The following KIF6 variants were observed in gnomAD, a reference collection of about 807,000 sequenced individuals.
KIF6 encodes the protein kinesin-like protein KIF6.
Under a neutral mutation model 112.7 loss-of-function variants are expected in KIF6, and 106 were observed. The ratio of observed to expected loss-of-function variants is 0.94; its 90% CI spans 0.80 to 1.11. The LOEUF (loss-of-function observed/expected upper bound fraction) is 1.11, where lower values mean the gene tolerates loss of function less well. KIF6 is among the 50% of genes least tolerant of loss of function. KIF6 has a pLI of 0.00. For missense variants in KIF6, 929 were observed against 964.0 expected, an observed-to-expected ratio of 0.96 and a Z score of 0.48; for synonymous variants, 339 against 339.9, an observed-to-expected ratio of 1.00 and a Z score of 0.03.
At chr6:39,680,611 T>C (rs912057029) in intron 3 of KIF6, among the ~76,000 whole-genome samples, 2 of 152,046 alleles carry the variant, frequency 1.3e-5, no homozygotes, top group African/African-American at 4.8e-5. Flanking sequence ...ATCTAAGAAC[T>C]AAAAGAGAGA....
At chr6:39,597,208 A>G (rs1286794374) in intron 6 of KIF6, among the ~76,000 whole-genome samples, 2 of 152,316 alleles carry the variant, frequency 1.3e-5, no homozygotes, top group East Asian at 3.9e-4. Context: ...TTACAGAAAA[A>G]GACAAATTGA....
intron 13 of KIF6, among the ~76,000 whole-genome samples, chr6:39,479,761 C>T (rs1017455214): frequency 6.6e-6 from 1 of 152,034 alleles, no homozygotes; most frequent in African/African-American, 2.4e-5. Flanking sequence ...TTTGTGTCAT[C>T]TATGATTTCT....
At chr6:39,650,548 A>G (rs1384447879) in intron 3 of KIF6, among the ~76,000 whole-genome samples, 3 of 151,668 alleles carry the variant, frequency 2.0e-5, no homozygotes, top group Non-Finnish European at 4.4e-5. Flanking sequence ...TCTTATTTAC[A>G]TAATTTATAA....
In KIF6 at chr6:39,343,401, C is replaced by T. The variant is rs770885520; in HGVS notation, c.2428+308G>A. ...GTAGAAGCCTGAGCAGAGGAGACAG[C>T]TGACTTTGGGAACAGAGAACAAAGG... On this transcript the variant is annotated intron_variant, in intron 22 of 22. Transcript: ENST00000287152. The surrounding 1 kb of genome is among the most constrained non-coding windows in gnomAD (Gnocchi z 4.1). The T allele has an allele frequency of 3.7e-6, 5 of 1,351,824 alleles. No individual in the cohort carries two copies. Among genetic ancestry groups the T allele is most frequent in the Middle Eastern group, 2.0e-4 (1 of 5,084 alleles). The allele number at this position is 1,351,824 out of a possible 1,614,324, so 83.7% of individuals were successfully genotyped here.
chr6:39,473,363 T>A (rs961951239), intron 13 of KIF6, among the ~76,000 whole-genome samples: 5 of 152,066 alleles, frequency 3.3e-5, no homozygotes, highest in African/African-American at 1.2e-4. Flanking sequence ...TTTTAAGAGC[T>A]CTGAGGTTTA....
chr6:39,650,480 C>T lies in KIF6; in HGVS notation c.252-10723G>A, dbSNP rs191691818. Among the ~76,000 whole-genome samples, 944 of 151,836 alleles carry T rather than the reference C, an allele frequency of 6.2e-3. 11 individuals are homozygous for T. The highest frequency in any genetic ancestry group is 0.021 in the African/African-American group (880 of 41,484). On this transcript the variant is annotated intron_variant, in intron 3 of 22. Coordinates refer to ENST00000287152, the MANE Select transcript of KIF6 (RefSeq NM_145027.6). ...GAGGGCTGCATTTTTATCTTATTTA[C>T]ATTATAAAAAGTATATATTTACATT... is the stretch of plus-strand genomic sequence containing the variant.
chr6:39,637,876 T>C (rs564021390), intron 4 of KIF6, among the ~76,000 whole-genome samples: 1 of 152,126 alleles, frequency 6.6e-6, no homozygotes, highest in South Asian at 2.1e-4. Context: ...TTATTTAGGA[T>C]CATTCAGAAT....
intron 1 of KIF6, among the ~76,000 whole-genome samples, chr6:39,723,376 T>C (rs191591304): frequency 4.6e-5 from 7 of 152,310 alleles, no homozygotes; most frequent in Admixed American, 4.6e-4. Context: ...CTTGCCTAAA[T>C]TGTCACTTTG....
chr6:39,702,275 T>C (rs1018806195), intron 3 of KIF6, among the ~76,000 whole-genome samples: 2 of 152,174 alleles, frequency 1.3e-5, no homozygotes, highest in African/African-American at 2.4e-5. Context: ...CCAAGAGTGA[T>C]AGTCTGATGG....
chr6:39,470,383 C>T (rs923657689), intron 13 of KIF6, among the ~76,000 whole-genome samples: 17 of 152,250 alleles, frequency 1.1e-4, no homozygotes, highest in East Asian at 3.9e-4. Flanking sequence ...CTGCCTGTGA[C>T]GCAGGAGGTC....
intron 15 of KIF6, among the ~76,000 whole-genome samples, chr6:39,399,443 T>G (rs1768523322): frequency 6.6e-6 from 1 of 152,182 alleles, no homozygotes; most frequent in Admixed American, 6.5e-5. Context: ...ACCGCCTGTC[T>G]CATCAGGCCA....
intron 15 of KIF6, among the ~76,000 whole-genome samples, chr6:39,393,461 G>A (rs1254996069): frequency 6.6e-6 from 1 of 152,152 alleles, no homozygotes; most frequent in Non-Finnish European, 1.5e-5. Context: ...AGGAGTTCCT[G>A]ACATATAATA....
chr6:39,498,902 C>G (rs1362151509), intron 13 of KIF6, among the ~76,000 whole-genome samples: 5 of 152,126 alleles, frequency 3.3e-5, no homozygotes, highest in African/African-American at 9.7e-5. Context: ...GCCACCTGGC[C>G]TTTCCTGTGG....
intron 15 of KIF6, among the ~76,000 whole-genome samples, chr6:39,404,764 T>C (rs1768965906): frequency 6.6e-6 from 1 of 152,168 alleles, no homozygotes. Context: ...TTAGGGAGAA[T>C]TGACATCGTT....
chr6:39,519,032 G>A (rs1777225366), intron 13 of KIF6, among the ~76,000 whole-genome samples: 1 of 152,170 alleles, frequency 6.6e-6, no homozygotes, highest in South Asian at 2.1e-4. Context: ...TTGACACCAT[G>A]CATGGAACTG....
chr6:39,384,841 G>T (rs1257608976), intron 16 of KIF6, among the ~76,000 whole-genome samples: 13 of 152,146 alleles, frequency 8.5e-5, no homozygotes, highest in Admixed American at 8.5e-4. Flanking sequence ...AAATGAGGAG[G>T]TTCTACCCAG....
intron 3 of KIF6, among the ~76,000 whole-genome samples, chr6:39,680,809 A>T (rs1294381809): frequency 3.9e-5 from 6 of 152,200 alleles, no homozygotes; most frequent in African/African-American, 1.4e-4. Flanking sequence ...TTCCATAAAC[A>T]TGTATTTAAA....
At position 39,544,665 on chromosome 6, in the gene KIF6, T is replaced by C. The variant is rs2150569463; in HGVS notation, c.1316A>G (p.Glu439Gly). 6.2e-7 allele frequency: 1 copy of C among 1,603,950 alleles called. No homozygotes were observed. The highest frequency in any genetic ancestry group is 8.5e-7 in the Non-Finnish European group (1 of 1,176,634). Residue 439 changes from glutamate (E) to glycine (G), a missense_variant, in exon 12 of 23, where the codon GAA becomes GGA. Glu to Gly is a moderately conservative substitution (Grantham distance 98). This residue lies in a region of KIF6 where 688 missense variants were observed against 662.7 expected (regional missense o/e 1.04). Transcript: ENST00000287152. ...GCTTTCAGAGGAGACTGTATTGTTT[T>C]CAAGGATCTTCTTGTCATTCAATAG... ...KKLLNDKKILENNTVSSESKD... is the reference protein window; with the variant it reads ...KKLLNDKKILGNNTVSSESKD...
intron 21 of KIF6, 108 bp downstream of exon 21, chr6:39,345,592 C>A: frequency 1.2e-6 from 1 of 838,460 alleles, no homozygotes; most frequent in Non-Finnish European, 1.9e-6. Flanking sequence ...TGGGTTCTGT[C>A]TGTGTGGCTA....
Sources: gnomAD v4.1 joint callset for allele counts (sites outside exome capture counted in the v4.1 genomes callset) on GRCh38, gnomAD v4.1.1 for gene constraint, gnomAD v4.1.1 regional missense constraint, Gnocchi (gnomAD v3.1) non-coding constraint, MANE v1.5 for transcripts, NCBI Gene and HGNC (gene_info 2026-07-23, HGNC 2026-07-21) for gene names.